RNF34: variants seen among roughly 807,000 people sequenced by gnomAD.
The protein encoded by RNF34 is ring finger protein 34.
Under a neutral mutation model 37.9 loss-of-function variants are expected in RNF34, and 12 were observed. The observed-to-expected ratio is 0.32, with a 90% CI of 0.20 to 0.51. RNF34 has a LOEUF of 0.51. Ranked by LOEUF, RNF34 falls within the 20% of genes least tolerant of loss-of-function variation. The pLI is 0.97. For synonymous variants in RNF34, 155 were observed against 177.2 expected, an observed-to-expected ratio of 0.87 and a Z score of 1.00; for missense variants, 362 against 472.7, an observed-to-expected ratio of 0.77 and a Z score of 2.17.
At chr12:121,418,211 A>C in intron 3 of RNF34, 1 of 337,046 alleles carries the variant, frequency 3.0e-6, no homozygotes, top group Non-Finnish European at 5.5e-6. Context: ...AATGGCTGTG[A>C]AAAAGTAGCA....
chr12:121,412,229 TC>T (rs151187360), intron 1 of RNF34, among the ~76,000 whole-genome samples: 33 of 94,582 alleles, frequency 3.5e-4, no homozygotes, highest in African/African-American at 9.2e-4. Flanking sequence ...GCCCAACTAA[TC>T]TTTTTTTTTT....
At chr12:121,402,831 T>C (rs11831315) in intron 1 of RNF34, 184,060 of 1,511,380 alleles carry the variant, frequency 0.12, 15,933 homozygotes, top group African/African-American at 0.41. Flanking sequence ...CTATAGCACA[T>C]GTTATTGTAA....
intron 1 of RNF34, among the ~76,000 whole-genome samples, chr12:121,411,491 G>A (rs1871054676): frequency 6.6e-6 from 1 of 152,140 alleles, no homozygotes; most frequent in Non-Finnish European, 1.5e-5. Flanking sequence ...AACATGGTTT[G>A]AAAAATTGTA....
intron 1 of RNF34, chr12:121,415,205 T>A: frequency 4.6e-6 from 1 of 217,466 alleles, no homozygotes; most frequent in Non-Finnish European, 1.0e-5. Context: ...CAAAAAAATC[T>A]AGAGAGAGTT....
intron 5 of RNF34, among the ~76,000 whole-genome samples, chr12:121,421,393 A>AAAAAC (rs1872141916): frequency 6.7e-6 from 1 of 149,692 alleles, no homozygotes. Context: ...AAAAAAAAAA[A>AAAAAC]AAAAACCAAA....
At chr12:121,400,619 G>C (rs1229491838) in intron 1 of RNF34, among the ~76,000 whole-genome samples, 1 of 152,218 alleles carries the variant, frequency 6.6e-6, no homozygotes, top group Non-Finnish European at 1.5e-5. Context: ...CCAAGTGTTG[G>C]GGACATCGTG....
At position 121,420,676 on chromosome 12, in the gene RNF34, C is replaced by G. The variant is rs782550295; in HGVS notation, c.826C>G (p.Leu276Val). ...GAGCGTGCGCCAGCTGAAGGAAATT[C>G]TGGCTCGGAATTTTGTCAACTATTC... ...GMSVRQLKEI[L>V]ARNFVNYSGC... Residue 276 changes from leucine (L) to valine (V), a missense_variant, in exon 5 of 6, where the codon CTG becomes GTG. Transcript: ENST00000361234. 1.9e-6 allele frequency: 3 copies of G among 1,614,166 alleles called. No individual in the cohort carries two copies. The highest frequency in any genetic ancestry group is 2.5e-6 in the Non-Finnish European group (3 of 1,180,010).
At chr12:121,414,402 T>C (rs1217409937) in intron 1 of RNF34, among the ~76,000 whole-genome samples, 2 of 151,246 alleles carry the variant, frequency 1.3e-5, no homozygotes, top group African/African-American at 4.9e-5. Flanking sequence ...TTCTTTTATG[T>C]ATACTTGGGA....
chr12:121,422,180 C>G (rs1353241305), intron 5 of RNF34, among the ~76,000 whole-genome samples: 1 of 152,206 alleles, frequency 6.6e-6, no homozygotes, highest in Non-Finnish European at 1.5e-5. Flanking sequence ...GTTATTATGA[C>G]AGCATGGTTT....
intron 1 of RNF34, among the ~76,000 whole-genome samples, chr12:121,410,872 T>C (rs1870993084): frequency 1.3e-5 from 2 of 152,200 alleles, no homozygotes; most frequent in Admixed American, 1.3e-4. Context: ...GTGTCTGAGT[T>C]GTACTGAATA....
intron 3 of RNF34, among the ~76,000 whole-genome samples, chr12:121,419,601 A>G (rs1871922598): frequency 6.6e-6 from 1 of 152,158 alleles, no homozygotes; most frequent in African/African-American, 2.4e-5. Context: ...GAAATTGGGA[A>G]CCGACCTAGC....
At chr12:121,418,043 C>G in intron 3 of RNF34, 132 bp downstream of exon 3, 1 of 955,408 alleles carries the variant, frequency 1.0e-6, no homozygotes, top group Non-Finnish European at 1.6e-6. Flanking sequence ...CCACACCCAG[C>G]TGAACTCTGC....
intron 1 of RNF34, among the ~76,000 whole-genome samples, chr12:121,403,781 A>G (rs1423645048): frequency 6.6e-6 from 1 of 152,314 alleles, no homozygotes; most frequent in Non-Finnish European, 1.5e-5. Context: ...TGTGTAAATA[A>G]TATATTTAAC....
At chr12:121,408,747 G>A (rs555463139) in intron 1 of RNF34, among the ~76,000 whole-genome samples, 1 of 152,128 alleles carries the variant, frequency 6.6e-6, no homozygotes, top group African/African-American at 2.4e-5. Flanking sequence ...TTGAACAATG[G>A]CTGCTTTTGA....
At chr12:121,421,371 T>TACAAAAAAA (rs35925457) in intron 5 of RNF34, among the ~76,000 whole-genome samples, 12 of 46,366 alleles carry the variant, frequency 2.6e-4, no homozygotes, top group African/African-American at 7.5e-4. Context: ...ATCCCATCTC[T>TACAAAAAAA]AAAAAAAAAA....
chr12:121,402,838 G>T (rs374827363), intron 1 of RNF34: 57 of 1,500,280 alleles, frequency 3.8e-5, no homozygotes, highest in Non-Finnish European at 5.2e-5. Flanking sequence ...ACATGTTATT[G>T]TAATAATCGA....
In RNF34 at chr12:121,417,833, C is replaced by T. The variant is rs1555282509; in HGVS notation, c.555C>T (p.Ala185=). 1 of 1,614,094 alleles carries T rather than the reference C, an allele frequency of 6.2e-7. No individual in the cohort carries two copies. The highest frequency in any genetic ancestry group is 1.7e-5 in the Admixed American group (1 of 59,998). ...GTTCGTTTTTTTCAAACTATACAGC[C>T]CCCTCTGCTACTATGTCTTCGTTTC... The part of the protein sequence containing the change: ...FTRSFFSNYT[A]PSATMSSFQG... Residue 185 remains alanine, a synonymous_variant, in exon 3 of 6, where the codon GCC becomes GCT. Coordinates refer to ENST00000361234, the MANE Select transcript of RNF34 (RefSeq NM_025126.4). The surrounding 1 kb of genome is among the most constrained non-coding windows in gnomAD (Gnocchi z 5.0).
intron 1 of RNF34, among the ~76,000 whole-genome samples, chr12:121,414,985 G>T (rs1327665124): frequency 6.6e-6 from 1 of 152,184 alleles, no homozygotes. Flanking sequence ...AATCCCAGCT[G>T]CTGGGGAGGC....
Position 121,400,138 on chromosome 12 carries a change from G to T in RNF34, c.-75G>T. On this transcript the variant is annotated 5_prime_UTR_variant, in exon 1 of 6. Transcript: ENST00000361234. Reference sequence around the variant, plus strand: ...GCGGTAATCACCGCCCAGAGGGAAGGAGGTCGGCAGTGTGAGGAGCTGCTA... The same window carrying T: ...GCGGTAATCACCGCCCAGAGGGAAGTAGGTCGGCAGTGTGAGGAGCTGCTA... 1 of 1,549,062 alleles carries T rather than the reference G, an allele frequency of 6.5e-7. No homozygotes were observed. The highest frequency in any genetic ancestry group is 8.7e-7 in the Non-Finnish European group (1 of 1,145,762).
Sources: allele counts gnomAD v4.1 joint callset (sites outside exome capture counted in the v4.1 genomes callset), GRCh38; gene constraint gnomAD v4.1.1; non-coding constraint Gnocchi (gnomAD v3.1); transcripts MANE v1.5; gene names NCBI Gene and HGNC (gene_info 2026-07-23, HGNC 2026-07-21).